Variants in CMSS1 observed in about 807,000 individuals in gnomAD.
The protein encoded by CMSS1 is protein CMSS1.
A neutral mutation model predicts 43.5 loss-of-function variants in CMSS1; 33 were observed. The ratio of observed to expected loss-of-function variants is 0.76; its 90% CI spans 0.57 to 1.01. CMSS1 has a LOEUF of 1.01. Among genes scored for constraint, CMSS1 ranks in the 50% least tolerant of loss-of-function variants. The pLI, the probability that CMSS1 is intolerant of heterozygous loss-of-function variation, is 0.00. For synonymous variants in CMSS1, 115 were observed against 117.2 expected (o/e 0.98, Z 0.12); for missense variants, 313 against 326.4 (o/e 0.96, Z 0.32).
intron 2 of CMSS1, among the ~76,000 whole-genome samples, chr3:100,148,699 C>G (rs1359750826): frequency 2.0e-5 from 3 of 152,114 alleles, no homozygotes; most frequent in Non-Finnish European, 2.9e-5. Context: ...GCACTTCAAA[C>G]AGTGGTTATC....
At chr3:99,891,151 C>T (rs1367323574) in intron 1 of CMSS1, among the ~76,000 whole-genome samples, 2 of 151,120 alleles carry the variant, frequency 1.3e-5, no homozygotes, top group Non-Finnish European at 2.9e-5. Flanking sequence ...AGTTTATTTT[C>T]CCTCTAACTC....
intron 1 of CMSS1, among the ~76,000 whole-genome samples, chr3:100,016,679 A>G (rs183049192): frequency 1.1e-3 from 166 of 152,348 alleles, no homozygotes; most frequent in African/African-American, 3.8e-3. Flanking sequence ...TGTAAAGTCC[A>G]TGCAATTCAT....
chr3:99,943,140 T>C (rs945504222), intron 1 of CMSS1, among the ~76,000 whole-genome samples: 10 of 152,180 alleles, frequency 6.6e-5, no homozygotes, highest in Admixed American at 6.5e-4. Flanking sequence ...ACTTAATTTC[T>C]GATAACAAGA....
intron 1 of CMSS1, among the ~76,000 whole-genome samples, chr3:99,938,073 G>GTGTGTA (rs1707740362): frequency 2.1e-5 from 1 of 47,716 alleles, no homozygotes; most frequent in Non-Finnish European, 4.3e-5. Context: ...GTGTGTGTGT[G>GTGTGTA]TGCGCGCGCG....
At position 100,171,849 on chromosome 3, in the gene CMSS1, G is replaced by C; in HGVS notation, c.529G>C (p.Ala177Pro). Reference sequence around the variant, plus strand: ...GCTTCTTTTCATTAGGTCGATGACAGCATTCAGAGGAGACGGCAAAGTTAT... The same window carrying C: ...GCTTCTTTTCATTAGGTCGATGACACCATTCAGAGGAGACGGCAAAGTTAT... Reference protein sequence around the residue: ...RALELIRSMTAFRGDGKVIKL... With the variant: ...RALELIRSMTPFRGDGKVIKL... The change falls in exon 7 of 10, where the codon GCA (alanine) becomes CCA (proline). Residue 177 changes from alanine (A) to proline (P), a missense_variant. By Grantham distance (27) the Ala-to-Pro change is conservative. Transcript: ENST00000421999. 1 of 1,613,870 alleles carries C rather than the reference G, an allele frequency of 6.2e-7. No homozygotes were observed. Among genetic ancestry groups the C allele is most frequent in the Non-Finnish European group, 8.5e-7 (1 of 1,179,840 alleles).
chr3:99,982,769 C>T (rs1373765726), intron 1 of CMSS1, among the ~76,000 whole-genome samples: 5 of 152,164 alleles, frequency 3.3e-5, no homozygotes, highest in Non-Finnish European at 7.3e-5. Flanking sequence ...AATGATCCTT[C>T]CTCATTTTTC....
intron 1 of CMSS1, among the ~76,000 whole-genome samples, chr3:99,919,891 C>T (rs1022067817): frequency 1.2e-4 from 19 of 152,220 alleles, no homozygotes; most frequent in Admixed American, 1.3e-4. Flanking sequence ...GGTGACTTTC[C>T]TCCAAAGGGC....
chr3:99,904,881 A>C (rs917108813), intron 1 of CMSS1, among the ~76,000 whole-genome samples: 9 of 152,110 alleles, frequency 5.9e-5, no homozygotes, highest in African/African-American at 2.2e-4. Context: ...CTCTTGAAGG[A>C]GTATTATTAC....
chr3:100,121,545 A>C (rs1458015520), intron 1 of CMSS1, among the ~76,000 whole-genome samples: 1 of 152,160 alleles, frequency 6.6e-6, no homozygotes, highest in Non-Finnish European at 1.5e-5. Flanking sequence ...GTGACACAAT[A>C]AACATACGTG....
chr3:100,034,977 G>A (rs547674868), intron 1 of CMSS1, among the ~76,000 whole-genome samples: 27 of 152,242 alleles, frequency 1.8e-4, no homozygotes, highest in Non-Finnish European at 3.8e-4. Flanking sequence ...GGGATGTCAA[G>A]AAAAAAGCCA....
At chr3:100,052,254 T>G (rs1002002258) in intron 1 of CMSS1, among the ~76,000 whole-genome samples, 1 of 152,234 alleles carries the variant, frequency 6.6e-6, no homozygotes, top group Non-Finnish European at 1.5e-5. Flanking sequence ...CATTGGAGTT[T>G]TGCATGAGCA....
chr3:100,127,575 C>T (rs2066673262), intron 1 of CMSS1, among the ~76,000 whole-genome samples: 2 of 152,206 alleles, frequency 1.3e-5, no homozygotes, highest in Admixed American at 1.3e-4. Context: ...GCACAAAATT[C>T]CCCAGTCAGG....
chr3:99,983,029 A>G (rs1325488769), intron 1 of CMSS1, among the ~76,000 whole-genome samples: 1 of 151,006 alleles, frequency 6.6e-6, no homozygotes, highest in Non-Finnish European at 1.5e-5. Flanking sequence ...TGTGAATATG[A>G]GGGAAGTCAT....
chr3:100,128,860 G>A (rs779179878), intron 1 of CMSS1, among the ~76,000 whole-genome samples: 26 of 152,138 alleles, frequency 1.7e-4, no homozygotes, highest in Non-Finnish European at 2.6e-4. Context: ...ACTCAGTAGC[G>A]TCTACTGTAT....
At chr3:99,975,953 T>C (rs1708957484) in intron 1 of CMSS1, among the ~76,000 whole-genome samples, 1 of 152,164 alleles carries the variant, frequency 6.6e-6, no homozygotes, top group East Asian at 1.9e-4. Context: ...GGCACCATCT[T>C]GGCTCACTGC....
chr3:100,135,424 TTG>T (rs1274217551), intron 1 of CMSS1, among the ~76,000 whole-genome samples: 3 of 137,842 alleles, frequency 2.2e-5, no homozygotes, highest in Non-Finnish European at 4.7e-5. Flanking sequence ...TGAGGAGCCT[TTG>T]TGTGTGTGTG....
chr3:100,037,443 A>T (rs1326248533), intron 1 of CMSS1, among the ~76,000 whole-genome samples: 1 of 152,130 alleles, frequency 6.6e-6, no homozygotes, highest in South Asian at 2.1e-4. Context: ...ATTAAAACAA[A>T]GCAAACAGAC....
At chr3:99,995,244 A>C (rs116114511) in intron 1 of CMSS1, among the ~76,000 whole-genome samples, 1 of 152,206 alleles carries the variant, frequency 6.6e-6, no homozygotes, top group East Asian at 1.9e-4. Context: ...CAAAGGGGCT[A>C]CGGGGCCCAT....
intron 1 of CMSS1, among the ~76,000 whole-genome samples, chr3:99,998,632 G>T (rs534507012): frequency 6.6e-6 from 1 of 152,048 alleles, no homozygotes; most frequent in Non-Finnish European, 1.5e-5. Context: ...GTGCGATCTC[G>T]GCTCACTGCA....
Sources: gnomAD v4.1 joint callset for allele counts (sites outside exome capture counted in the v4.1 genomes callset) on GRCh38, gnomAD v4.1.1 for gene constraint, MANE v1.5 for transcripts, NCBI Gene and HGNC (gene_info 2026-07-23, HGNC 2026-07-21) for gene names.